Variants in GRM7 observed in about 807,000 individuals in gnomAD.
The protein encoded by GRM7 is metabotropic glutamate receptor 7.
GRM7 carries 35 observed loss-of-function variants against 84.5 expected under a neutral mutation model. The ratio of observed to expected loss-of-function variants is 0.41; its 90% confidence interval spans 0.32 to 0.55. The LOEUF is 0.55. Ranked by LOEUF, GRM7 falls within the 20% of genes least tolerant of loss-of-function variation. The pLI is 0.19. For synonymous variants in GRM7, 487 were observed against 455.1 expected (o/e 1.07, Z -0.89); for missense variants, 1,003 against 1,194.6 (o/e 0.84, Z 2.36).
At chr3:7,263,733 G>A (rs1473476966) in intron 2 of GRM7, among the ~76,000 whole-genome samples, 1 of 152,112 alleles carries the variant, frequency 6.6e-6, no homozygotes, top group Non-Finnish European at 1.5e-5. Flanking sequence ...CAGTGTGACG[G>A]CAGGGGTGGG....
intron 5 of GRM7, among the ~76,000 whole-genome samples, chr3:7,423,311 G>A (rs1232653632): frequency 6.6e-6 from 1 of 152,190 alleles, no homozygotes; most frequent in African/African-American, 2.4e-5. Flanking sequence ...TATTTGAGCT[G>A]TGTGTCATTT....
intron 1 of GRM7, among the ~76,000 whole-genome samples, chr3:6,896,172 T>TG (rs1206530832): frequency 6.6e-6 from 1 of 152,206 alleles, no homozygotes; most frequent in Middle Eastern, 3.2e-3. Context: ...GGAGCTGTGC[T>TG]GTGCTGTTGC....
chr3:7,027,583 C>T (rs567996944), intron 1 of GRM7, among the ~76,000 whole-genome samples: 1 of 152,108 alleles, frequency 6.6e-6, no homozygotes, highest in African/African-American at 2.4e-5. Flanking sequence ...GCTTTTGCCT[C>T]TCTTCTGCTG....
chr3:7,406,301 C>G (rs1695673722), intron 4 of GRM7, among the ~76,000 whole-genome samples: 1 of 151,938 alleles, frequency 6.6e-6, no homozygotes, highest in South Asian at 2.1e-4. Context: ...GAGATGGAGA[C>G]CATCCTGGCT....
intron 4 of GRM7, among the ~76,000 whole-genome samples, chr3:7,373,165 A>G (rs1694210367): frequency 6.6e-6 from 1 of 152,132 alleles, no homozygotes; most frequent in Admixed American, 6.6e-5. Flanking sequence ...TACCTTAATT[A>G]TTTGTGGTAC....
chr3:7,521,942 C>T (rs930088182), intron 7 of GRM7, among the ~76,000 whole-genome samples: 1 of 152,170 alleles, frequency 6.6e-6, no homozygotes, highest in Non-Finnish European at 1.5e-5. Context: ...CCACATACCA[C>T]ATGGACAGTT....
intron 2 of GRM7, among the ~76,000 whole-genome samples, chr3:7,256,041 C>T (rs1030290977): frequency 1.3e-5 from 2 of 152,174 alleles, no homozygotes; most frequent in South Asian, 4.1e-4. Flanking sequence ...GGACCTCTCA[C>T]CCCTCTGCCC....
chr3:7,271,370 T>A (rs1293953020), intron 2 of GRM7, among the ~76,000 whole-genome samples: 1 of 151,772 alleles, frequency 6.6e-6, no homozygotes, highest in Non-Finnish European at 1.5e-5. Flanking sequence ...CCATCCTGGC[T>A]AACACGGTGA....
chr3:6,871,884 C>T (rs1420253400), intron 1 of GRM7, among the ~76,000 whole-genome samples: 1 of 151,822 alleles, frequency 6.6e-6, no homozygotes, highest in East Asian at 1.9e-4. Flanking sequence ...TCTGTATTTA[C>T]CATAATTAAG....
At chr3:7,253,549 A>G (rs1698084271) in intron 2 of GRM7, among the ~76,000 whole-genome samples, 1 of 150,332 alleles carries the variant, frequency 6.7e-6, no homozygotes. Flanking sequence ...CCCAGGAGGC[A>G]GAGGTTGTAG....
chr3:6,961,642 A>G (rs1430976049), intron 1 of GRM7, among the ~76,000 whole-genome samples: 1 of 152,164 alleles, frequency 6.6e-6, no homozygotes, highest in Non-Finnish European at 1.5e-5. Flanking sequence ...TATTTCATTT[A>G]AAAATAGCAT....
rs193054847 is a variant in GRM7 at position 7,276,664 on chromosome 3, T to C, written c.737-22020T>C. ...TCAGATGATCCCAAACCAAGAATGA[T>C]GTCAGATGATTACTAACTCATGTTT... is the stretch of plus-strand genomic sequence containing the variant. On this transcript the variant is annotated intron_variant, in intron 2 of 9. Coordinates refer to ENST00000357716, the MANE Select transcript of GRM7 (RefSeq NM_000844.4). Among the ~76,000 whole-genome samples the C allele has an allele frequency of 7.0e-4, 107 of 152,090 alleles. No homozygotes were observed. The East Asian group carries it at 0.02, about 28-fold the overall frequency.
At chr3:7,017,442 G>A (rs977674540) in intron 1 of GRM7, among the ~76,000 whole-genome samples, 3 of 152,184 alleles carry the variant, frequency 2.0e-5, no homozygotes, top group Admixed American at 2.0e-4. Context: ...CATGAGCTGG[G>A]CAAGCGAGTC....
At chr3:7,315,744 C>T (rs1165121229) in intron 4 of GRM7, among the ~76,000 whole-genome samples, 1 of 152,158 alleles carries the variant, frequency 6.6e-6, no homozygotes, top group Non-Finnish European at 1.5e-5. Context: ...AAAGCTTTCC[C>T]ATCCTATTTG....
At chr3:6,921,604 C>G (rs75343914) in intron 1 of GRM7, among the ~76,000 whole-genome samples, 12,437 of 152,062 alleles carry the variant, frequency 0.082, 581 homozygotes, top group Admixed American at 0.11. Context: ...AGCCATCTAT[C>G]TAGTATTCCT....
chr3:7,077,454 C>T (rs1429977520), intron 1 of GRM7, among the ~76,000 whole-genome samples: 1 of 151,680 alleles, frequency 6.6e-6, no homozygotes, highest in Non-Finnish European at 1.5e-5. Context: ...CCATCATTCT[C>T]AGCAAACTAA....
intron 2 of GRM7, among the ~76,000 whole-genome samples, chr3:7,194,825 A>G (rs543544726): frequency 2.6e-5 from 4 of 152,296 alleles, no homozygotes; most frequent in African/African-American, 9.6e-5. Flanking sequence ...CTGGCACAAA[A>G]TATATAGTAA....
intron 8 of GRM7, among the ~76,000 whole-genome samples, chr3:7,659,221 G>T (rs1402047537): frequency 6.6e-6 from 1 of 152,184 alleles, no homozygotes; most frequent in Non-Finnish European, 1.5e-5. Flanking sequence ...ACAATTTGCA[G>T]AATACTGGTT....
intron 1 of GRM7, among the ~76,000 whole-genome samples, chr3:7,051,008 A>G (rs567929128): frequency 1.3e-5 from 2 of 151,852 alleles, no homozygotes; most frequent in Non-Finnish European, 2.9e-5. Context: ...TAGTTTGCTC[A>G]CTATTTTTAA....
Sources: gnomAD v4.1 joint callset for allele counts (sites outside exome capture counted in the v4.1 genomes callset) on GRCh38, gnomAD v4.1.1 for gene constraint, MANE v1.5 for transcripts, NCBI Gene and HGNC (gene_info 2026-07-23, HGNC 2026-07-21) for gene names.